The following SENP7 variants were observed in gnomAD, a reference collection of about 807,000 sequenced individuals.
The protein encoded by SENP7 is sentrin-specific protease 7.
SENP7 carries 64 observed loss-of-function variants against 141.2 expected under a neutral mutation model. That is an observed-to-expected ratio of 0.45 (90% CI 0.37 to 0.56). The LOEUF (loss-of-function observed/expected upper bound fraction) is 0.56, where lower values mean the gene tolerates loss of function less well. SENP7 is among the 20% of genes least tolerant of loss of function. The probability of loss-of-function intolerance (pLI) is 0.00; values close to 1 mark genes in which losing one functional copy is unlikely to be tolerated. For missense variants in SENP7, 1,025 were observed against 1,212.2 expected, an observed-to-expected ratio of 0.85 and a Z score of 2.29; for synonymous variants, 382 against 426.4, an observed-to-expected ratio of 0.90 and a Z score of 1.28.
At chr3:101,372,684 C>T (rs1413480991) in intron 6 of SENP7, among the ~76,000 whole-genome samples, 1 of 151,722 alleles carries the variant, frequency 6.6e-6, no homozygotes, top group Non-Finnish European at 1.5e-5. Context: ...AAATATAAAA[C>T]ATACTATAAT....
intron 11 of SENP7, 113 bp downstream of exon 11, chr3:101,361,602 A>G (rs2059903909): frequency 1.7e-6 from 2 of 1,143,894 alleles, no homozygotes. Flanking sequence ...AAAGTGTCCC[A>G]TATAAAATAA....
rs28495014 is a variant in SENP7 at position 101,512,597 on chromosome 3, G to C, written c.40+494C>G. Among the ~76,000 whole-genome samples, 757 of 152,340 alleles carry C rather than the reference G, an allele frequency of 5.0e-3. 4 individuals are homozygous for C. The highest frequency in any genetic ancestry group is 0.017 in the African/African-American group (725 of 41,576). ...AGACCCGGAGAGGCATTGTATCAAA[G>C]AAAAGGAGTCTCCGGTCGCAAGCCC... On this transcript the variant is annotated intron_variant, in intron 1 of 23. Coordinates refer to ENST00000394095, the MANE Select transcript of SENP7 (RefSeq NM_020654.5).
At chr3:101,418,760 T>C (rs1168722478) in intron 4 of SENP7, among the ~76,000 whole-genome samples, 1 of 151,380 alleles carries the variant, frequency 6.6e-6, no homozygotes, top group African/African-American at 2.4e-5. Context: ...AGGGTACAAG[T>C]TCCCAGGGTA....
chr3:101,478,901 T>G (rs748556569), intron 3 of SENP7, among the ~76,000 whole-genome samples: 2 of 152,180 alleles, frequency 1.3e-5, no homozygotes, highest in African/African-American at 4.8e-5. Flanking sequence ...GTTCAACATA[T>G]GCAAATCAAT....
intron 4 of SENP7, among the ~76,000 whole-genome samples, chr3:101,453,083 G>C (rs2063208434): frequency 6.6e-6 from 1 of 152,148 alleles, no homozygotes; most frequent in East Asian, 1.9e-4. Context: ...CTCAAAAGAA[G>C]ACATTTATGC....
chr3:101,489,506 C>CATCAGATATCAGATAAA (rs796456103), intron 3 of SENP7, among the ~76,000 whole-genome samples: 1 of 151,922 alleles, frequency 6.6e-6, no homozygotes, highest in African/African-American at 2.4e-5. Flanking sequence ...GCAGGAGCCA[C>CATCAGATATCAGATAAA]TATTCTTATA....
intron 5 of SENP7, among the ~76,000 whole-genome samples, chr3:101,413,283 A>G (rs1325315925): frequency 6.6e-6 from 1 of 152,308 alleles, no homozygotes; most frequent in East Asian, 1.9e-4. Context: ...TAAGTCTCCT[A>G]TTATATATAG....
chr3:101,326,749 A>C (rs2058910650), intron 23 of SENP7, among the ~76,000 whole-genome samples: 1 of 152,134 alleles, frequency 6.6e-6, no homozygotes, highest in South Asian at 2.1e-4. Context: ...TTCATTTTAG[A>C]AAATTTTATT....
chr3:101,477,487 A>G (rs1014287262), intron 3 of SENP7, among the ~76,000 whole-genome samples: 8 of 131,714 alleles, frequency 6.1e-5, no homozygotes, highest in African/African-American at 1.6e-4. Flanking sequence ...AAAAAAGTAT[A>G]AAGATTTTAA....
At position 101,349,079 on chromosome 3, in the gene SENP7, G is replaced by A. The variant is rs577951350; in HGVS notation, c.1658-1028C>T. On this transcript the variant is annotated intron_variant, in intron 12 of 23. Transcript: ENST00000394095. Reference sequence around the variant, plus strand: ...CCACCTTACATCTACTGAACCAGCAGATCTCAGTTTAATAGCCCACTCCAA... The same window carrying A: ...CCACCTTACATCTACTGAACCAGCAAATCTCAGTTTAATAGCCCACTCCAA... 4.8e-4 allele frequency among the ~76,000 whole-genome samples: 73 copies of A among 152,218 alleles called. 1 individual carries two copies. In the South Asian group the frequency reaches 0.015, roughly 31 times the overall value.
chr3:101,476,998 A>T (rs1185189226), intron 3 of SENP7, among the ~76,000 whole-genome samples: 1 of 152,154 alleles, frequency 6.6e-6, no homozygotes, highest in Non-Finnish European at 1.5e-5. Flanking sequence ...TCTGGATAGT[A>T]GTCCTTTGTC....
At chr3:101,494,218 C>G (rs2108113397) in intron 2 of SENP7, among the ~76,000 whole-genome samples, 1 of 152,278 alleles carries the variant, frequency 6.6e-6, no homozygotes. Flanking sequence ...TGTCTGCTGT[C>G]TCTTCCCCTT....
rs151294627 is a variant in SENP7, at chr3:101,346,905, T to TAAA, written c.1837+964_1837+966dup. On this transcript the variant is annotated intron_variant, in intron 13 of 23. Transcript: ENST00000394095. The stretch of plus-strand genomic sequence containing the variant: ...CCGGTTTCCCAAAAACCCATGGAAA[T>TAAA]AAAAAAAAAATTTAATAAAAGATTT... Among the ~76,000 whole-genome samples the TAAA allele has an allele frequency of 4.0e-5, 5 of 125,586 alleles. No individual in the cohort carries two copies. In the East Asian group the frequency reaches 8.8e-4, roughly 22 times the overall value. 82.4% of individuals were successfully genotyped at this position (125,586 alleles called of 152,430 possible). A position where few individuals can be genotyped will look rare whatever the true frequency, so the allele number is the denominator to read the frequency against.
chr3:101,409,818 G>A (rs2061403840), intron 5 of SENP7, among the ~76,000 whole-genome samples: 1 of 152,160 alleles, frequency 6.6e-6, no homozygotes, highest in Admixed American at 6.5e-5. Flanking sequence ...TCTAAGACCT[G>A]AATCTATAAA....
intron 4 of SENP7, among the ~76,000 whole-genome samples, chr3:101,438,212 C>T (rs1386170772): frequency 6.6e-6 from 1 of 151,946 alleles, no homozygotes; most frequent in Non-Finnish European, 1.5e-5. Flanking sequence ...AATATAGAAA[C>T]AAAATGTGGC....
intron 1 of SENP7, among the ~76,000 whole-genome samples, chr3:101,506,614 GAC>G (rs1041764779): frequency 6.6e-6 from 1 of 152,142 alleles, no homozygotes; most frequent in African/African-American, 2.4e-5. Context: ...TATAGAAGTA[GAC>G]ATTAGACAAC....
intron 4 of SENP7, among the ~76,000 whole-genome samples, chr3:101,455,911 G>C (rs981385784): frequency 3.5e-4 from 54 of 152,128 alleles, no homozygotes; most frequent in Middle Eastern, 3.4e-3. Flanking sequence ...TTCAGAAAAA[G>C]GTTAAGAATC....
rs567061457 is a variant in SENP7 at position 101,502,305 on chromosome 3, T to C, written c.41-1186A>G. ...ACTGGATTAGCATGTTTTTTTGTTT[T>C]GTTTTGTTTTGTTTTTGAGATGGAG... On this transcript the variant is annotated intron_variant, in intron 1 of 23. Transcript: ENST00000394095. Among the ~76,000 whole-genome samples, 5 of 152,346 alleles carry C rather than the reference T, an allele frequency of 3.3e-5. No homozygotes were observed. The South Asian group carries it at 6.2e-4, about 19-fold the overall frequency.
intron 6 of SENP7, among the ~76,000 whole-genome samples, chr3:101,380,638 TAA>T (rs5851270): frequency 6.1e-4 from 83 of 135,562 alleles, no homozygotes; most frequent in Non-Finnish European, 7.6e-4. Flanking sequence ...GACCTATCTC[TAA>T]AAAAAAAAAA....
Sources: gnomAD v4.1 joint callset for allele counts (sites outside exome capture counted in the v4.1 genomes callset) on GRCh38, gnomAD v4.1.1 for gene constraint, MANE v1.5 for transcripts, NCBI Gene and HGNC (gene_info 2026-07-23, HGNC 2026-07-21) for gene names.